OPLAH: variants seen among roughly 807,000 people sequenced by gnomAD.
OPLAH encodes the protein 5-oxoprolinase.
In OPLAH, 103 loss-of-function variants were observed where a neutral mutation model predicts 122.8. The ratio of observed to expected loss-of-function variants is 0.84; its 90% CI spans 0.71 to 0.99. OPLAH has a LOEUF of 0.99. Among genes scored for constraint, OPLAH ranks in the 50% least tolerant of loss-of-function variants. The pLI is 0.00. For missense variants in OPLAH, 1,902 were observed against 1,836.5 expected (o/e 1.04, Z -0.65); for synonymous variants, 875 against 796.0 (o/e 1.10, Z -1.67).
Position 144,058,554 on chromosome 8 carries a change from G to A in OPLAH, c.725C>T (p.Thr242Met), listed in dbSNP as rs544934035. ...CTGCACGTAGCGCTGGATGGCGGGC[G>A]TGAGGTAGGCGTCGGCACAGGCCGT... ...GHTACADAYL[T>M]PAIQRYVQGF... Residue 242 changes from threonine to methionine, a missense_variant, in exon 6 of 27, where the codon ACG becomes ATG. Physicochemically the swap from Thr to Met is moderately conservative, Grantham distance 81. Coordinates refer to ENST00000618853, the MANE Select transcript of OPLAH (RefSeq NM_017570.5). 22 of 1,600,386 alleles carry A rather than the reference G, an allele frequency of 1.4e-5. No individual in the cohort carries two copies. The highest frequency in any genetic ancestry group is 1.7e-4 in the Middle Eastern group (1 of 6,044).
In OPLAH at chr8:144,056,657, G is replaced by A. The variant is rs1554759236; in HGVS notation, c.1805C>T (p.Ser602Leu). Residue 602 changes from serine to leucine, a missense_variant, in exon 13 of 27, where the codon TCG (serine) becomes TTG (leucine). By Grantham distance (145) the Ser-to-Leu change is moderately radical. This residue lies in a region of OPLAH where 1,726 missense variants were observed against 1,642.1 expected (regional missense o/e 1.05). Coordinates refer to ENST00000618853, the MANE Select transcript of OPLAH (RefSeq NM_017570.5). ...TGCCCCGAAGTCCCCCGCACGGGGCGAGCGGGCTGTGGCTGGGTGCTGGTG... is the reference window on the plus strand; with the variant it reads ...TGCCCCGAAGTCCCCCGCACGGGGCAAGCGGGCTGTGGCTGGGTGCTGGTG... ...SAHQHPATAR[S>L]PRAGDFGAAF... The A allele has an allele frequency of 2.5e-6, 4 of 1,612,012 alleles. No individual in the cohort carries two copies. Among genetic ancestry groups the A allele is most frequent in the Admixed American group, 1.7e-5 (1 of 59,944 alleles).
intron 14 of OPLAH, 42 bp from the exon 15 acceptor site, chr8:144,056,301 C>A: frequency 6.3e-7 from 1 of 1,598,130 alleles, no homozygotes; most frequent in Non-Finnish European, 8.6e-7. Context: ...GGCCCAGCAC[C>A]CTCCCCGATG....
downstream of OPLAH, chr8:144,050,726 G>A (rs1554757482): frequency 1.0e-6 from 1 of 985,648 alleles, no homozygotes; most frequent in Admixed American, 6.1e-5. Context: ...GTATCGGAGC[G>A]GGAAGTGGAC....
upstream of OPLAH, among the ~76,000 whole-genome samples, chr8:144,061,495 G>A (rs564067958): frequency 9.3e-5 from 14 of 151,326 alleles, no homozygotes; most frequent in African/African-American, 3.2e-4. Flanking sequence ...CAGCCCAGGC[G>A]ACAGAGCGAG....
At chr8:144,056,363 T>G (rs782343565) in intron 14 of OPLAH, 22 bp downstream of exon 14, 2 of 1,597,940 alleles carry the variant, frequency 1.3e-6, no homozygotes, top group Admixed American at 3.4e-5. Flanking sequence ...GCTGTCAGGC[T>G]GGCACAGGCA....
At chr8:144,060,371 G>A (rs1285557881) in intron 1 of OPLAH, among the ~76,000 whole-genome samples, 1 of 152,214 alleles carries the variant, frequency 6.6e-6, no homozygotes, top group East Asian at 1.9e-4. Flanking sequence ...GCTGGACCCT[G>A]GAGCCCTCGG....
At position 144,056,266 on chromosome 8, in the gene OPLAH, A is replaced by G. The variant is rs782305924; in HGVS notation, c.1984-7T>C. 3.1e-6 allele frequency: 5 copies of G among 1,609,734 alleles called. No individual in the cohort carries two copies. In the South Asian group the frequency reaches 5.5e-5, roughly 18 times the overall value. On this transcript the variant is annotated splice_region_variant and splice_polypyrimidine_tract_variant and intron_variant, in intron 14 of 26. Coordinates refer to ENST00000618853, the MANE Select transcript of OPLAH (RefSeq NM_017570.5). ...CAAAGTAGCACTGGGTCATCTGCAG[A>G]GGGTGCGGGTGAGTACAGCGCCCGG...
In OPLAH at chr8:144,058,070, T is replaced by C. The variant is rs1554759816; in HGVS notation, c.1028A>G (p.Gln343Arg). 6.2e-7 allele frequency: 1 copy of C among 1,612,312 alleles called. No homozygotes were observed. ...GGTGTTGATGTCCAGCTGCGGGGCC[T>C]GGAGGGTGACGCCAGCTGTGCTGGC... ...FEASTAGVTLQAPQLDINTVA... is the reference protein window; with the variant it reads ...FEASTAGVTLRAPQLDINTVA... The change falls in exon 8 of 27, where the codon CAG (glutamine) becomes CGG (arginine). Residue 343 changes from glutamine to arginine, a missense_variant. Physicochemically the swap from Gln to Arg is conservative, Grantham distance 43. Coordinates refer to ENST00000618853, the MANE Select transcript of OPLAH (RefSeq NM_017570.5).
downstream of OPLAH, chr8:144,051,118 T>G: frequency 1.5e-6 from 2 of 1,372,716 alleles, no homozygotes; most frequent in South Asian, 1.6e-5. Flanking sequence ...CCCCAGGAGG[T>G]GGAGCAGGTG....
chr8:144,051,237 C>T, downstream of OPLAH: 1 of 1,570,398 alleles, frequency 6.4e-7, no homozygotes. Flanking sequence ...GCGCGGCTGG[C>T]GCGCACAGAC....
At position 144,057,592 on chromosome 8, in the gene OPLAH, G is replaced by A. The variant is rs782797712; in HGVS notation, c.1278C>T (p.Ala426=). The change falls in exon 10 of 27, where the codon GCC becomes GCT. Residue 426 remains alanine (A), a synonymous_variant. Transcript: ENST00000618853. ...TGACCTCAGTGGCCACAGCCTCCAGGGCTTTGCGGGAGGCCTCAGGGGAAA... is the reference window on the plus strand; with the variant it reads ...TGACCTCAGTGGCCACAGCCTCCAGAGCTTTGCGGGAGGCCTCAGGGGAAA... ...QPLSPEASRK[A]LEAVATEVNS... The A allele has an allele frequency of 9.5e-6, 15 of 1,585,852 alleles. No homozygotes were observed. The South Asian group carries it at 1.6e-4, about 17-fold the overall frequency.
At chr8:144,056,835 G>C in intron 12 of OPLAH, 80 bp from the exon 13 acceptor site, 1 of 1,527,288 alleles carries the variant, frequency 6.5e-7, no homozygotes, top group Non-Finnish European at 8.8e-7. Context: ...AAGGACACCT[G>C]TTCTGCTTCT....
At chr8:144,060,156 G>C (rs1185451745) in intron 1 of OPLAH, 71 bp from the exon 2 acceptor site, 4 of 1,129,492 alleles carry the variant, frequency 3.5e-6, no homozygotes, top group South Asian at 3.2e-5. Context: ...CTGCGCATGC[G>C]GGGGGTTCCT....
chr8:144,059,973 G>A lies in OPLAH; in HGVS notation c.60C>T (p.Asp20=), dbSNP rs782783887. 1.9e-6 allele frequency: 3 copies of A among 1,612,628 alleles called. No homozygotes were observed. The highest frequency in any genetic ancestry group is 1.6e-4 in the Middle Eastern group (1 of 6,082). ...GCCCCCCTGGGCACTGGGCAAAGAC[G>A]TCTGTGAAGGTACCCCCACGGTCGA... The part of the protein sequence containing the change: ...FAIDRGGTFT[D]VFAQCPGGHV... Residue 20 remains aspartate, a synonymous_variant, in exon 2 of 27, where the codon GAC becomes GAT. Transcript: ENST00000618853.
Position 144,052,859 on chromosome 8 carries a change from C to A in OPLAH, c.3060G>T (p.Val1020=). The A allele has an allele frequency of 1.3e-6, 2 of 1,554,294 alleles. No individual in the cohort carries two copies. Among genetic ancestry groups the A allele is most frequent in the Non-Finnish European group, 1.7e-6 (2 of 1,149,426 alleles). The change falls in exon 22 of 27, where the codon GTG becomes GTT. Residue 1020 remains valine, a synonymous_variant. Coordinates refer to ENST00000618853, the MANE Select transcript of OPLAH (RefSeq NM_017570.5). ...VFDFSGTGPE[V]FGNLNAPRAV... ...CCCGCGGTGCGTTGAGATTACCAAA[C>A]ACCTCCGGCCCAGTGCCGCTGAAGT...
At chr8:144,051,153 C>A, downstream of OPLAH, 1 of 1,427,494 alleles carries the variant, frequency 7.0e-7, no homozygotes, top group African/African-American at 1.5e-5. Flanking sequence ...CCTGGAGGGG[C>A]TCACGGACCA....
rs1187044456 is a variant in OPLAH, at chr8:144,051,907, A to T, written c.3622+9T>A. 6.5e-7 allele frequency: 1 copy of T among 1,530,624 alleles called. No homozygotes were observed. The highest frequency in any genetic ancestry group is 1.4e-5 in the African/African-American group (1 of 72,600). 94.8% of individuals were successfully genotyped at this position (1,530,624 alleles called of 1,614,324 possible). A position where few individuals can be genotyped will look rare whatever the true frequency, so the allele number is the denominator to read the frequency against. ...CGGGGAGGGCCGCGAGGGCTGGGGA[A>T]CCGCGCACCGTGGAGCCCGTATGGC... On this transcript the variant is annotated intron_variant, in intron 25 of 26. Coordinates refer to ENST00000618853, the MANE Select transcript of OPLAH (RefSeq NM_017570.5).
In OPLAH at chr8:144,055,179, G is replaced by A; in HGVS notation, c.2259C>T (p.Gly753=). The part of the protein sequence containing the change: ...HRFMSIAEQM[G]RILQRTAIST... Reference sequence around the variant, plus strand: ...AGATGGCTGTGCGCTGCAGGATGCGGCCCATCTGCTCTAGGAGCACAAAGT... The same window carrying A: ...AGATGGCTGTGCGCTGCAGGATGCGACCCATCTGCTCTAGGAGCACAAAGT... The change falls in exon 17 of 27, where the codon GGC becomes GGT. Residue 753 remains glycine, a synonymous_variant. Coordinates refer to ENST00000618853, the MANE Select transcript of OPLAH (RefSeq NM_017570.5). This position sits in a 1 kb window ranked among gnomAD's most constrained non-coding sequence, Gnocchi z 6.5. 6.5e-7 allele frequency: 1 copy of A among 1,540,304 alleles called. No individual in the cohort carries two copies. The highest frequency in any genetic ancestry group is 8.7e-7 in the Non-Finnish European group (1 of 1,145,662).
chr8:144,054,970 T>TGG (rs371475686), intron 17 of OPLAH, 57 bp from the exon 18 acceptor site: 82 of 306,468 alleles, frequency 2.7e-4, no homozygotes, highest in African/African-American at 2.0e-3. Flanking sequence ...CAGAGCGGGG[T>TGG]GGGGGGGGGG....
Sources: gnomAD v4.1 joint callset for allele counts (sites outside exome capture counted in the v4.1 genomes callset) on GRCh38, gnomAD v4.1.1 for gene constraint, gnomAD v4.1.1 regional missense constraint, Gnocchi (gnomAD v3.1) non-coding constraint, MANE v1.5 for transcripts, NCBI Gene and HGNC (gene_info 2026-07-23, HGNC 2026-07-21) for gene names.